The following DACH1 variants were observed in gnomAD, a reference collection of about 807,000 sequenced individuals.
DACH1 encodes dachshund family transcription factor 1.
A neutral mutation model predicts 54.2 loss-of-function variants in DACH1; 12 were observed. The ratio of observed to expected loss-of-function variants is 0.22; its 90% CI spans 0.14 to 0.36. The LOEUF (loss-of-function observed/expected upper bound fraction) is 0.36. Among genes scored for constraint, DACH1 ranks in the 10% least tolerant of loss-of-function variants. The pLI is 1.00. For missense variants in DACH1, 805 were observed against 929.8 expected (o/e 0.87, Z 1.75); for synonymous variants, 386 against 366.2 (o/e 1.05, Z -0.62).
chr13:71,846,217 A>C, intron 1 of DACH1: 1 of 243,542 alleles, frequency 4.1e-6, no homozygotes, highest in East Asian at 1.1e-4. Flanking sequence ...ACTCCGGCGC[A>C]CGGAAACAGC....
At chr13:71,794,988 CA>C (rs142462913) in intron 1 of DACH1, among the ~76,000 whole-genome samples, 4,802 of 152,042 alleles carry the variant, frequency 0.032, 142 homozygotes, top group African/African-American at 0.079. Flanking sequence ...AAACCATAGC[CA>C]AAGAATGGTT....
intron 2 of DACH1, among the ~76,000 whole-genome samples, chr13:71,641,712 A>G (rs1022841825): frequency 1.2e-4 from 19 of 152,182 alleles, no homozygotes; most frequent in African/African-American, 4.6e-4. Context: ...GGAATGTTAA[A>G]GGGAATGAAG....
intron 3 of DACH1, among the ~76,000 whole-genome samples, chr13:71,600,229 AG>A (rs1199518523): frequency 6.6e-6 from 1 of 152,146 alleles, no homozygotes; most frequent in African/African-American, 2.4e-5. Flanking sequence ...AGCTTGCCCA[AG>A]GCAAGACAAC....
intron 1 of DACH1, among the ~76,000 whole-genome samples, chr13:71,757,364 C>T (rs973773026): frequency 9.2e-5 from 14 of 152,096 alleles, no homozygotes; most frequent in East Asian, 5.8e-4. Context: ...GTAAAATAAA[C>T]GGACCAGTGG....
chr13:71,464,817 CAAGACT>C (rs777542357), intron 10 of DACH1: 2 of 426,078 alleles, frequency 4.7e-6, no homozygotes, highest in Non-Finnish European at 9.2e-6. Flanking sequence ...AAGATATTCT[CAAGACT>C]ATGTTTAGTA....
chr13:71,755,489 C>T (rs1885106139), intron 1 of DACH1, among the ~76,000 whole-genome samples: 1 of 152,138 alleles, frequency 6.6e-6, no homozygotes, highest in Non-Finnish European at 1.5e-5. Flanking sequence ...GTCCCAAGGT[C>T]CCAAGATTAT....
chr13:71,587,478 G>A (rs538921507), intron 3 of DACH1, among the ~76,000 whole-genome samples: 9 of 152,112 alleles, frequency 5.9e-5, no homozygotes, highest in African/African-American at 1.2e-4. Flanking sequence ...AAACTTATAC[G>A]TTATATAATA....
At chr13:71,557,188 A>T (rs373052975) in intron 5 of DACH1, 30 bp from the exon 6 acceptor site, 19 of 1,584,230 alleles carry the variant, frequency 1.2e-5, no homozygotes, top group East Asian at 6.8e-5. Flanking sequence ...AACAAACAAA[A>T]CAAAACACAA....
chr13:71,762,415 A>T (rs571115251), intron 1 of DACH1, among the ~76,000 whole-genome samples: 39 of 152,292 alleles, frequency 2.6e-4, no homozygotes, highest in African/African-American at 9.1e-4. Flanking sequence ...ACATATGAGT[A>T]AGTGATATGA....
chr13:71,654,996 T>C lies in DACH1; in HGVS notation c.965-24279A>G, dbSNP rs1020287956. 1.3e-4 allele frequency among the ~76,000 whole-genome samples: 20 copies of C among 152,216 alleles called. 1 individual carries two copies. The highest frequency in any genetic ancestry group is 3.9e-4 in the Admixed American group (6 of 15,288). ...AATCTACATGGCAGCATTAACTTTT[T>C]TGTGATGTGTAACCTCTAACATAGT... On this transcript the variant is annotated intron_variant, in intron 2 of 10. Transcript: ENST00000613252.
chr13:71,458,551 A>T (rs2138133651), intron 10 of DACH1, among the ~76,000 whole-genome samples: 1 of 152,036 alleles, frequency 6.6e-6, no homozygotes, highest in Admixed American at 6.6e-5. Context: ...TTTACCTATT[A>T]GATCAATTTT....
intron 2 of DACH1, among the ~76,000 whole-genome samples, chr13:71,650,886 C>A (rs1325798364): frequency 6.6e-6 from 1 of 152,120 alleles, no homozygotes; most frequent in Non-Finnish European, 1.5e-5. Context: ...TGAAGCTCCA[C>A]TTGTAAGATA....
intron 1 of DACH1, among the ~76,000 whole-genome samples, chr13:71,836,189 T>C (rs1325356): frequency 0.025 from 3,827 of 152,102 alleles, 170 homozygotes; most frequent in African/African-American, 0.087. Flanking sequence ...GGTACCATTA[T>C]AGAGTATTCT....
intron 2 of DACH1, among the ~76,000 whole-genome samples, chr13:71,670,031 A>G (rs556442947): frequency 6.6e-6 from 1 of 152,276 alleles, no homozygotes; most frequent in Admixed American, 6.5e-5. Flanking sequence ...GCCAAAAAAA[A>G]AAAAAAAGTC....
intron 10 of DACH1, among the ~76,000 whole-genome samples, chr13:71,469,709 C>T (rs957763571): frequency 2.0e-4 from 31 of 152,076 alleles, no homozygotes; most frequent in Non-Finnish European, 3.2e-4. Flanking sequence ...ATATCATCAA[C>T]GTTGAATAAA....
At chr13:71,859,405 A>G (rs1283382982) in intron 1 of DACH1, among the ~76,000 whole-genome samples, 3 of 151,812 alleles carry the variant, frequency 2.0e-5, no homozygotes, top group African/African-American at 7.2e-5. Flanking sequence ...TTGGGTCATT[A>G]TATGTGATGT....
chr13:71,610,672 T>C (rs763131925), intron 3 of DACH1, among the ~76,000 whole-genome samples: 3 of 152,204 alleles, frequency 2.0e-5, no homozygotes, highest in African/African-American at 7.2e-5. Context: ...CTACATTGAT[T>C]AGAAATATTC....
At chr13:71,860,654 A>C (rs574109869) in intron 1 of DACH1, among the ~76,000 whole-genome samples, 1 of 152,132 alleles carries the variant, frequency 6.6e-6, no homozygotes, top group Non-Finnish European at 1.5e-5. Context: ...AAAGGGAGAC[A>C]GTTTACAACC....
At chr13:71,608,128 C>T (rs1471116084) in intron 3 of DACH1, among the ~76,000 whole-genome samples, 2 of 151,636 alleles carry the variant, frequency 1.3e-5, no homozygotes, top group East Asian at 3.9e-4. Flanking sequence ...AGAGATAATG[C>T]TGAATTTGCA....
Sources: allele counts gnomAD v4.1 joint callset (sites outside exome capture counted in the v4.1 genomes callset), GRCh38; gene constraint gnomAD v4.1.1; transcripts MANE v1.5; gene names NCBI Gene and HGNC (gene_info 2026-07-23, HGNC 2026-07-21).